Variants in PCDH7 observed in about 807,000 individuals in gnomAD.
PCDH7 encodes the protein protocadherin-7.
In PCDH7, 17 loss-of-function variants were observed where a neutral mutation model predicts 58.9. The ratio of observed to expected loss-of-function variants is 0.29; its 90% CI spans 0.20 to 0.43. The LOEUF is 0.43. Among genes scored for constraint, PCDH7 ranks in the 20% least tolerant of loss-of-function variants. The pLI, the probability that PCDH7 is intolerant of heterozygous loss-of-function variation, is 1.00. For synonymous variants in PCDH7, 664 were observed against 616.4 expected (o/e 1.08, Z -1.14); for missense variants, 1,274 against 1,441.0 (o/e 0.88, Z 1.88).
chr4:30,856,362 GAACT>G (rs1282154193), intron 1 of PCDH7, among the ~76,000 whole-genome samples: 1 of 151,900 alleles, frequency 6.6e-6, no homozygotes, highest in Non-Finnish European at 1.5e-5. Flanking sequence ...GATATTGCTG[GAACT>G]AACTTTTCAT....
At chr4:30,838,377 T>C (rs951553627) in intron 1 of PCDH7, among the ~76,000 whole-genome samples, 2 of 152,154 alleles carry the variant, frequency 1.3e-5, no homozygotes, top group Non-Finnish European at 2.9e-5. Context: ...TCTTGGGAGA[T>C]GTACTTAAAT....
At chr4:30,955,242 A>G (rs560013221) in intron 3 of PCDH7, among the ~76,000 whole-genome samples, 1 of 152,224 alleles carries the variant, frequency 6.6e-6, no homozygotes, top group East Asian at 1.9e-4. Flanking sequence ...GATACTTAGA[A>G]TACTTTAACT....
chr4:31,137,567 G>A (rs1363697870), intron 3 of PCDH7, among the ~76,000 whole-genome samples: 1 of 152,208 alleles, frequency 6.6e-6, no homozygotes, highest in East Asian at 1.9e-4. Context: ...CTGGATGACA[G>A]AGCGAGACCC....
intron 1 of PCDH7, among the ~76,000 whole-genome samples, chr4:30,914,495 G>C (rs374577802): frequency 6.6e-6 from 1 of 152,040 alleles, no homozygotes; most frequent in Non-Finnish European, 1.5e-5. Flanking sequence ...AAAATGTTGA[G>C]TATTATTGTA....
chr4:30,998,202 T>C (rs574111158), intron 3 of PCDH7, among the ~76,000 whole-genome samples: 78 of 152,252 alleles, frequency 5.1e-4, no homozygotes, highest in African/African-American at 1.7e-3. Context: ...GGTGAAACTT[T>C]GTGCAAGAGA....
chr4:30,903,336 G>A (rs1740476347), intron 1 of PCDH7, among the ~76,000 whole-genome samples: 1 of 151,976 alleles, frequency 6.6e-6, no homozygotes, highest in African/African-American at 2.4e-5. Context: ...CTCCAATCAG[G>A]ATTCAATAAC....
chr4:30,767,628 G>C (rs1049964342), intron 1 of PCDH7, among the ~76,000 whole-genome samples: 2 of 152,108 alleles, frequency 1.3e-5, no homozygotes, highest in Non-Finnish European at 2.9e-5. Flanking sequence ...CTTTCATTTG[G>C]GCTAGGAATC....
intron 3 of PCDH7, among the ~76,000 whole-genome samples, chr4:31,112,465 A>C (rs1031010344): frequency 6.6e-6 from 1 of 152,176 alleles, no homozygotes; most frequent in Non-Finnish European, 1.5e-5. Flanking sequence ...ACTACTAAAA[A>C]CCAAAGCTAT....
intron 1 of PCDH7, chr4:30,783,057 C>T (rs1722992469): frequency 6.6e-6 from 1 of 152,074 alleles, no homozygotes; most frequent in Admixed American, 6.6e-5. Context: ...TTTGATATAT[C>T]ATTTGTATAA....
At chr4:31,014,223 C>A (rs931561198) in intron 3 of PCDH7, among the ~76,000 whole-genome samples, 1 of 151,570 alleles carries the variant, frequency 6.6e-6, no homozygotes, top group African/African-American at 2.4e-5. Context: ...AAAAAAATAG[C>A]GTAATTATAA....
At chr4:30,998,421 T>A (rs2109133691) in intron 3 of PCDH7, among the ~76,000 whole-genome samples, 1 of 152,286 alleles carries the variant, frequency 6.6e-6, no homozygotes, top group African/African-American at 2.4e-5. Flanking sequence ...CAGCTGGTGT[T>A]TTTTTGTAGT....
At chr4:31,008,762 T>C (rs1376306868) in intron 3 of PCDH7, among the ~76,000 whole-genome samples, 2 of 152,162 alleles carry the variant, frequency 1.3e-5, no homozygotes, top group Non-Finnish European at 2.9e-5. Context: ...CTCTTTATTT[T>C]CTGCAGTTTA....
In PCDH7 at chr4:30,971,044, A is replaced by G. The variant is rs143014338; in HGVS notation, c.*7+20829A>G. On this transcript the variant is annotated intron_variant, in intron 3 of 3. Coordinates refer to the PCDH7 transcript ENST00000509759. The stretch of plus-strand genomic sequence containing the variant: ...ATTCAGGTTAGCCAAATACAGAATC[A>G]TCTACTTTTTTAAAGTTATTAGATC... Among the ~76,000 whole-genome samples, 174 of 152,346 alleles carry G rather than the reference A, an allele frequency of 1.1e-3. 2 individuals are homozygous for G. In the East Asian group the frequency reaches 0.024, roughly 21 times the overall value.
intron 1 of PCDH7, among the ~76,000 whole-genome samples, chr4:30,894,514 TATACACACAC>T (rs1308567769): frequency 0.095 from 4,564 of 47,794 alleles, 195 homozygotes; most frequent in African/African-American, 0.12. Context: ...TATATATATA[TATACACACAC>T]ACACACACAC....
chr4:31,004,218 T>G (rs1221115760), intron 3 of PCDH7, among the ~76,000 whole-genome samples: 1 of 152,132 alleles, frequency 6.6e-6, no homozygotes. Context: ...ATATCCCACG[T>G]GCCGCTTTCT....
intron 1 of PCDH7, among the ~76,000 whole-genome samples, chr4:30,857,014 G>C (rs1014013278): frequency 2.0e-5 from 3 of 151,878 alleles, no homozygotes; most frequent in African/African-American, 4.8e-5. Flanking sequence ...GTGACTCAAC[G>C]TGGAGGTTGA....
At chr4:30,932,541 C>T (rs1177985676) in intron 2 of PCDH7, among the ~76,000 whole-genome samples, 1 of 152,080 alleles carries the variant, frequency 6.6e-6, no homozygotes, top group Non-Finnish European at 1.5e-5. Flanking sequence ...AAAATAATTT[C>T]CAAGTAAAAA....
chr4:30,847,477 T>C (rs1446822879), intron 1 of PCDH7, among the ~76,000 whole-genome samples: 1 of 152,178 alleles, frequency 6.6e-6, no homozygotes, highest in Non-Finnish European at 1.5e-5. Context: ...CCACATGCAT[T>C]AATGTCTGAC....
chr4:31,033,771 C>T (rs929582321), intron 3 of PCDH7, among the ~76,000 whole-genome samples: 36 of 152,134 alleles, frequency 2.4e-4, no homozygotes, highest in Admixed American at 2.4e-3. Flanking sequence ...TCAGTTGCTA[C>T]TTTTCTGTAG....
Sources: gnomAD v4.1 joint callset for allele counts (sites outside exome capture counted in the v4.1 genomes callset) on GRCh38, gnomAD v4.1.1 for gene constraint, MANE v1.5 for transcripts, NCBI Gene and HGNC (gene_info 2026-07-23, HGNC 2026-07-21) for gene names.